PHACTR1: variants seen among roughly 807,000 people sequenced by gnomAD.
The protein encoded by PHACTR1 is RPEL repeat containing 1.
In PHACTR1, 16 loss-of-function variants were observed where a neutral mutation model predicts 69.2. That is an observed-to-expected ratio of 0.23 (90% CI 0.16 to 0.35). The LOEUF is 0.35. Ranked by LOEUF, PHACTR1 falls within the 10% of genes least tolerant of loss-of-function variation. PHACTR1 has a pLI of 1.00. For missense variants in PHACTR1, 510 were observed against 734.7 expected, an observed-to-expected ratio of 0.69 and a Z score of 3.54; for synonymous variants, 312 against 284.5, an observed-to-expected ratio of 1.10 and a Z score of -0.97.
intron 5 of PHACTR1, among the ~76,000 whole-genome samples, chr6:13,102,599 C>T (rs1449956139): frequency 6.6e-6 from 1 of 152,150 alleles, no homozygotes; most frequent in African/African-American, 2.4e-5. Context: ...GGCTTGGTAA[C>T]ATTACAGAGC....
At chr6:12,901,296 C>T (rs1025342054) in intron 4 of PHACTR1, among the ~76,000 whole-genome samples, 1 of 152,096 alleles carries the variant, frequency 6.6e-6, no homozygotes, top group African/African-American at 2.4e-5. Context: ...TGCTTCTTGG[C>T]CTTCATTGTA....
At chr6:13,084,488 C>T (rs528566891) in intron 5 of PHACTR1, among the ~76,000 whole-genome samples, 1 of 149,700 alleles carries the variant, frequency 6.7e-6, no homozygotes, top group Non-Finnish European at 1.5e-5. Flanking sequence ...CAAACCTGCA[C>T]GTTGTACACA....
At chr6:12,761,086 C>T (rs1408344856) in intron 4 of PHACTR1, among the ~76,000 whole-genome samples, 3 of 152,208 alleles carry the variant, frequency 2.0e-5, no homozygotes, top group Non-Finnish European at 2.9e-5. Context: ...TGAATCATCT[C>T]TCTGAACCTC....
intron 3 of PHACTR1, among the ~76,000 whole-genome samples, chr6:12,734,417 G>A (rs966009268): frequency 3.6e-4 from 55 of 152,212 alleles, no homozygotes; most frequent in African/African-American, 1.3e-3. Flanking sequence ...TTATATGCCT[G>A]AATCCTTGTA....
At chr6:12,846,347 A>G (rs1425243610) in intron 4 of PHACTR1, among the ~76,000 whole-genome samples, 1 of 152,236 alleles carries the variant, frequency 6.6e-6, no homozygotes, top group Non-Finnish European at 1.5e-5. Flanking sequence ...AACACATGTC[A>G]GATACTTTTC....
intron 5 of PHACTR1, among the ~76,000 whole-genome samples, chr6:13,125,183 A>G (rs1819348033): frequency 1.3e-5 from 2 of 152,358 alleles, no homozygotes; most frequent in East Asian, 3.9e-4. Flanking sequence ...GCTGCAGAGG[A>G]GTGGAGAAGC....
At chr6:13,086,336 T>C (rs1418227361) in intron 5 of PHACTR1, among the ~76,000 whole-genome samples, 2 of 152,156 alleles carry the variant, frequency 1.3e-5, no homozygotes, top group Non-Finnish European at 2.9e-5. Flanking sequence ...TTAAAACATT[T>C]TTTATTGAGA....
intron 10 of PHACTR1, among the ~76,000 whole-genome samples, chr6:13,260,513 C>A (rs561771495): frequency 6.6e-6 from 1 of 152,318 alleles, no homozygotes; most frequent in South Asian, 2.1e-4. Flanking sequence ...TCCTCTGCCC[C>A]TTCTTAGCAC....
chr6:12,786,792 G>A (rs1412750), intron 4 of PHACTR1, among the ~76,000 whole-genome samples: 151,572 of 152,352 alleles, frequency 0.99, 75,407 homozygotes, highest in Middle Eastern at 1. Flanking sequence ...TTGTGGCAGA[G>A]CAAGGCATGC....
intron 4 of PHACTR1, among the ~76,000 whole-genome samples, chr6:12,829,099 A>G (rs1217077163): frequency 6.6e-6 from 1 of 152,224 alleles, no homozygotes; most frequent in Non-Finnish European, 1.5e-5. Context: ...CCAACTAAAA[A>G]TAAAAGGCAA....
intron 4 of PHACTR1, among the ~76,000 whole-genome samples, chr6:12,882,087 G>A (rs765360436): frequency 5.3e-5 from 8 of 152,122 alleles, no homozygotes; most frequent in African/African-American, 1.2e-4. Flanking sequence ...CTGGGGCTTC[G>A]TTCACTGTGA....
intron 4 of PHACTR1, among the ~76,000 whole-genome samples, chr6:12,826,867 G>C (rs893484346): frequency 3.6e-4 from 55 of 152,226 alleles, no homozygotes; most frequent in African/African-American, 1.3e-3. Context: ...CTTTCTCCAC[G>C]ACACCCTGAC....
chr6:12,819,253 G>A (rs1775934620), intron 4 of PHACTR1, among the ~76,000 whole-genome samples: 1 of 152,128 alleles, frequency 6.6e-6, no homozygotes, highest in East Asian at 1.9e-4. Context: ...GAGATAATGG[G>A]CATTATGTAA....
chr6:13,045,925 AGTTTGG>A (rs1028397927), intron 4 of PHACTR1, among the ~76,000 whole-genome samples: 1 of 152,210 alleles, frequency 6.6e-6, no homozygotes, highest in Admixed American at 6.5e-5. Context: ...TCTGCTGAGA[AGTTTGG>A]GTCCAGGTAT....
chr6:13,004,930 C>G (rs916224616), intron 4 of PHACTR1, among the ~76,000 whole-genome samples: 1 of 151,932 alleles, frequency 6.6e-6, no homozygotes, highest in African/African-American at 2.4e-5. Context: ...AATATAAAAT[C>G]TATGTAAAAT....
chr6:12,957,845 G>A, intron 4 of PHACTR1: 5 of 985,556 alleles, frequency 5.1e-6, no homozygotes, highest in South Asian at 4.7e-5. Flanking sequence ...GAATTGGCAC[G>A]GCCGGGAAGG....
chr6:13,015,162 G>T (rs1800000372), intron 4 of PHACTR1, among the ~76,000 whole-genome samples: 2 of 152,182 alleles, frequency 1.3e-5, no homozygotes, highest in Non-Finnish European at 2.9e-5. Flanking sequence ...CATTACTTAG[G>T]ATCCCTCCCG....
chr6:13,120,944 G>C (rs1304435314), intron 5 of PHACTR1, among the ~76,000 whole-genome samples: 1 of 152,182 alleles, frequency 6.6e-6, no homozygotes, highest in African/African-American at 2.4e-5. Context: ...CCAACCCCCA[G>C]ATGACAAAGA....
intron 4 of PHACTR1, among the ~76,000 whole-genome samples, chr6:12,848,726 T>C (rs534359293): frequency 6.6e-6 from 1 of 152,324 alleles, no homozygotes; most frequent in South Asian, 2.1e-4. Flanking sequence ...AGGTTTCTGG[T>C]TCTGAATGTT....
Sources: allele counts gnomAD v4.1 joint callset (sites outside exome capture counted in the v4.1 genomes callset), GRCh38; gene constraint gnomAD v4.1.1; transcripts MANE v1.5; gene names NCBI Gene and HGNC (gene_info 2026-07-23, HGNC 2026-07-21).